PCDHGA2: variants seen among roughly 807,000 people sequenced by gnomAD.
PCDHGA2 encodes protocadherin gamma subfamily A, 2, also known as protocadherin gamma-A2.
PCDHGA2 carries 40 observed loss-of-function variants against 59.2 expected under a neutral mutation model. That is an observed-to-expected ratio of 0.68 (90% CI 0.52 to 0.88). PCDHGA2 has a LOEUF of 0.88. Ranked by LOEUF, PCDHGA2 falls within the 40% of genes least tolerant of loss-of-function variation. PCDHGA2 has a pLI of 0.00. For synonymous variants in PCDHGA2, 560 were observed against 526.0 expected (o/e 1.06, Z -0.89); for missense variants, 1,226 against 1,204.0 (o/e 1.02, Z -0.27).
At chr5:141,387,566 T>C in intron 1 of PCDHGA2, 1 of 445,866 alleles carries the variant, frequency 2.2e-6, no homozygotes, top group Non-Finnish European at 4.0e-6. Context: ...GGCACACAAT[T>C]ATAATTATTG....
intron 1 of PCDHGA2, chr5:141,375,104 A>G (rs762208267): frequency 6.2e-7 from 1 of 1,613,956 alleles, no homozygotes; most frequent in Non-Finnish European, 8.5e-7. Context: ...CTTGGATGTC[A>G]ATGATAATGT....
intron 1 of PCDHGA2, chr5:141,403,774 C>T (rs1350465491): frequency 1.9e-6 from 3 of 1,613,668 alleles, no homozygotes; most frequent in Non-Finnish European, 1.7e-6. Flanking sequence ...AGGGAATCAA[C>T]GGAAAAGTGG....
intron 1 of PCDHGA2, among the ~76,000 whole-genome samples, chr5:141,479,962 A>G: frequency 6.6e-6 from 1 of 152,226 alleles, no homozygotes; most frequent in Non-Finnish European, 1.5e-5. Context: ...GCAGTTAGTC[A>G]AATGAGGTTC....
At chr5:141,384,582 G>A (rs542176226) in intron 1 of PCDHGA2, 5 of 1,614,230 alleles carry the variant, frequency 3.1e-6, no homozygotes, top group Non-Finnish European at 4.2e-6. Context: ...ACCCGCCCGA[G>A]ATCCTGTACC....
At chr5:141,362,983 T>C (rs1282790095) in intron 1 of PCDHGA2, among the ~76,000 whole-genome samples, 1 of 152,256 alleles carries the variant, frequency 6.6e-6, no homozygotes, top group Admixed American at 6.5e-5. Context: ...GACTTTTGCA[T>C]AATGGCATGG....
Position 141,491,402 on chromosome 5 carries a change from C to T in PCDHGA2, c.2425-3405C>T. 1 of 1,614,156 alleles carries T rather than the reference C, an allele frequency of 6.2e-7. No individual in the cohort carries two copies. Among genetic ancestry groups the T allele is most frequent in the Non-Finnish European group, 8.5e-7 (1 of 1,180,022 alleles). ...TCAGCGAAGTGCCTTCAGGGAAACG[C>T]AGACGGGGACGGGGGTGGAGGGCAG... On this transcript the variant is annotated intron_variant, in intron 1 of 3. Transcript: ENST00000394576. The surrounding 1 kb of genome is among the most constrained non-coding windows in gnomAD (Gnocchi z 6.9).
At chr5:141,361,698 T>C (rs779293216) in intron 1 of PCDHGA2, 43 of 1,613,234 alleles carry the variant, frequency 2.7e-5, no homozygotes, top group Admixed American at 5.0e-5. Flanking sequence ...GCGCCTTCGA[T>C]CATGAGCAGC....
In PCDHGA2 at chr5:141,489,574, C is replaced by T. The variant is rs963768096; in HGVS notation, c.2425-5233C>T. The T allele has an allele frequency of 2.5e-6, 4 of 1,613,978 alleles. No homozygotes were observed. The highest frequency in any genetic ancestry group is 3.4e-6 in the Non-Finnish European group (4 of 1,180,014). ...GCTGCCAGTGCAGGTGGTGACTGAA[C>T]ACCCCCTGGAGCTAATCCGTGTAGA... On this transcript the variant is annotated intron_variant, in intron 1 of 3. Coordinates refer to ENST00000394576, the MANE Select transcript of PCDHGA2 (RefSeq NM_018915.4). This position sits in a 1 kb window ranked among gnomAD's most constrained non-coding sequence, Gnocchi z 4.5.
chr5:141,360,976 T>C (rs1761825679), intron 1 of PCDHGA2: 2 of 1,613,684 alleles, frequency 1.2e-6, no homozygotes, highest in South Asian at 2.2e-5. Flanking sequence ...CACCTACTCC[T>C]TTCATAATGT....
chr5:141,380,361 G>GA (rs980591138), intron 1 of PCDHGA2, among the ~76,000 whole-genome samples: 103 of 151,620 alleles, frequency 6.8e-4, no homozygotes, highest in South Asian at 1.2e-3. Flanking sequence ...TTGTTTTTTA[G>GA]AAAAAAAAGT....
intron 1 of PCDHGA2, among the ~76,000 whole-genome samples, chr5:141,353,291 A>C (rs1759238181): frequency 6.6e-6 from 1 of 152,126 alleles, no homozygotes; most frequent in South Asian, 2.1e-4. Flanking sequence ...TTTTATTCTT[A>C]GCTCTTTATA....
chr5:141,490,050 C>T lies in PCDHGA2; in HGVS notation c.2425-4757C>T, dbSNP rs1400735375. On this transcript the variant is annotated intron_variant, in intron 1 of 3. Transcript: ENST00000394576. This position sits in a 1 kb window ranked among gnomAD's most constrained non-coding sequence, Gnocchi z 5.4. ...TCCGCCTCAATGCCACTGATCCAGA[C>T]GAGGGCACCAACGGCCAACTAGACT... The T allele has an allele frequency of 1.2e-6, 2 of 1,614,224 alleles. No individual in the cohort carries two copies. The highest frequency in any genetic ancestry group is 1.7e-6 in the Non-Finnish European group (2 of 1,180,022).
intron 1 of PCDHGA2, chr5:141,398,657 GT>G: frequency 6.2e-7 from 1 of 1,614,018 alleles, no homozygotes; most frequent in South Asian, 1.1e-5. Context: ...CTTAACCCAA[GT>G]TTCTCATTAA....
chr5:141,399,628 G>A (rs775633916), intron 1 of PCDHGA2: 23 of 1,613,772 alleles, frequency 1.4e-5, no homozygotes, highest in South Asian at 2.2e-5. Context: ...GGCCTCTTAC[G>A]TGTCCATGAG....
intron 1 of PCDHGA2, chr5:141,345,578 C>T (rs757613840): frequency 1.9e-6 from 3 of 1,614,208 alleles, no homozygotes; most frequent in African/African-American, 1.3e-5. Context: ...GCGTCCTATA[C>T]GCGCTGAGAT....
intron 1 of PCDHGA2, chr5:141,398,344 C>G (rs901692894): frequency 7.3e-7 from 1 of 1,372,066 alleles, no homozygotes; most frequent in African/African-American, 1.5e-5. Context: ...TTCGGAGAAG[C>G]CTTACTTCAC....
rs1260157676 is a variant in PCDHGA2, at chr5:141,373,137, T to G, written c.2424+31742T>G. On this transcript the variant is annotated intron_variant, in intron 1 of 3. Transcript: ENST00000394576. ...CAGAATTAGACCCAAATCCTCACAA[T>G]TAAGTGGTTTACTTAGTTTTAATGC... Among the ~76,000 whole-genome samples, 5 of 152,372 alleles carry G rather than the reference T, an allele frequency of 3.3e-5. No individual in the cohort carries two copies. The East Asian group carries it at 7.7e-4, about 23-fold the overall frequency.
Position 141,360,422 on chromosome 5 carries a change from G to A in PCDHGA2, c.2424+19027G>A, listed in dbSNP as rs1042149116. The stretch of plus-strand genomic sequence containing the variant: ...GACAGAATAGACCGAGAACAGATAT[G>A]CGGGAAGCAGCCTCTGTGTGTTCTG... On this transcript the variant is annotated intron_variant, in intron 1 of 3. Coordinates refer to ENST00000394576, the MANE Select transcript of PCDHGA2 (RefSeq NM_018915.4). The A allele has an allele frequency of 1.1e-5, 17 of 1,613,872 alleles. No individual in the cohort carries two copies. The highest frequency in any genetic ancestry group is 1.4e-5 in the Non-Finnish European group (17 of 1,179,902).
At position 141,476,418 on chromosome 5, in the gene PCDHGA2, T is replaced by C. The variant is rs201255025; in HGVS notation, c.2425-18389T>C. On this transcript the variant is annotated intron_variant, in intron 1 of 3. Transcript: ENST00000394576. This position sits in a 1 kb window ranked among gnomAD's most constrained non-coding sequence, Gnocchi z 7.6. The stretch of plus-strand genomic sequence containing the variant: ...GATCGAGAGGAGCTGTGTGGGACAC[T>C]GCCCTCTTGCACTGTAACTCTGGAG... 6.2e-7 allele frequency: 1 copy of C among 1,614,122 alleles called. No individual in the cohort carries two copies. Among genetic ancestry groups the C allele is most frequent in the Non-Finnish European group, 8.5e-7 (1 of 1,180,002 alleles).
Sources: gnomAD v4.1 joint callset for allele counts (sites outside exome capture counted in the v4.1 genomes callset) on GRCh38, gnomAD v4.1.1 for gene constraint, Gnocchi (gnomAD v3.1) non-coding constraint, MANE v1.5 for transcripts, NCBI Gene and HGNC (gene_info 2026-07-23, HGNC 2026-07-21) for gene names.